Variants in TRAF2 observed in about 807,000 individuals in gnomAD.
The protein encoded by TRAF2 is TNF receptor associated factor 2.
In TRAF2, 6 loss-of-function variants were observed where a neutral mutation model predicts 55.6. That is an observed-to-expected ratio of 0.11 (90% CI 0.06 to 0.21). The LOEUF is 0.21. TRAF2 is among the 10% of genes least tolerant of loss of function. TRAF2 has a pLI of 1.00. For missense variants in TRAF2, 561 were observed against 684.5 expected (o/e 0.82, Z 2.01); for synonymous variants, 329 against 276.3 (o/e 1.19, Z -1.89).
intron 4 of TRAF2, among the ~76,000 whole-genome samples, chr9:136,906,794 C>T (rs540251246): frequency 2.9e-4 from 44 of 152,362 alleles, no homozygotes; most frequent in African/African-American, 1.1e-3. Context: ...CACGTTCAGT[C>T]TGCCGGCAGG....
At chr9:136,919,918 AT>A (rs1850343133) in intron 7 of TRAF2, among the ~76,000 whole-genome samples, 1 of 152,074 alleles carries the variant, frequency 6.6e-6, no homozygotes, top group Non-Finnish European at 1.5e-5. Flanking sequence ...GGGTTTTGCC[AT>A]GTTGCCCCAG....
At chr9:136,907,240 C>T (rs1053125013) in intron 4 of TRAF2, among the ~76,000 whole-genome samples, 1 of 152,274 alleles carries the variant, frequency 6.6e-6, no homozygotes, top group Non-Finnish European at 1.5e-5. Context: ...TCCCGCTTCC[C>T]TAGTCTGCAG....
At chr9:136,924,970 C>T (rs1414512672) in intron 10 of TRAF2, among the ~76,000 whole-genome samples, 5 of 152,208 alleles carry the variant, frequency 3.3e-5, no homozygotes, top group African/African-American at 4.8e-5. Flanking sequence ...ATCTCCTGAC[C>T]TTGTGATCCG....
At position 136,898,897 on chromosome 9, in the gene TRAF2, T is replaced by C; in HGVS notation, c.157T>C (p.Tyr53His). ...CTTCCAGGCGCAGTGTGGCCACCGG[T>C]ACTGCTCCTTCTGCCTGGCCAGCAT... is the stretch of plus-strand genomic sequence containing the variant. ...RPFQAQCGHR[Y>H]CSFCLASILS... Residue 53 changes from tyrosine (Y) to histidine (H), a missense_variant, in exon 2 of 11, where the codon TAC becomes CAC. By Grantham distance (83) the Tyr-to-His change is moderately conservative (BLOSUM62 2). Transcript: ENST00000247668. 1 of 1,611,728 alleles carries C rather than the reference T, an allele frequency of 6.2e-7. No individual in the cohort carries two copies. The highest frequency in any genetic ancestry group is 1.3e-5 in the African/African-American group (1 of 74,972).
At chr9:136,898,956 G>GGGGC in intron 2 of TRAF2, 28 bp downstream of exon 2, 1 of 1,568,658 alleles carries the variant, frequency 6.4e-7, no homozygotes, top group Non-Finnish European at 8.6e-7. Flanking sequence ...GCTGGGAGGA[G>GGGGC]GGGCAGGCAG....
intron 7 of TRAF2, 126 bp from the exon 8 acceptor site, chr9:136,920,108 A>G: frequency 8.2e-7 from 1 of 1,225,378 alleles, no homozygotes; most frequent in Non-Finnish European, 1.1e-6. Flanking sequence ...CAGGCCACCC[A>G]GGCATCCCTA....
At chr9:136,891,759 G>A (rs1366725536) in intron 1 of TRAF2, among the ~76,000 whole-genome samples, 1 of 147,284 alleles carries the variant, frequency 6.8e-6, no homozygotes, top group Admixed American at 6.8e-5. Context: ...TTCGCTCTTT[G>A]TGCCCAAGCT....
rs749274593 is a variant in TRAF2 at position 136,920,528 on chromosome 9, C to T, written c.960+13C>T. 9 of 1,599,516 alleles carry T rather than the reference C, an allele frequency of 5.6e-6. No individual in the cohort carries two copies. The highest frequency in any genetic ancestry group is 1.1e-5 in the South Asian group (1 of 89,382). ...CCTGAGTAGCAAGGTTTGTGCCTGC[C>T]GGGTGGCCAGCCATGAGGAGGACAG... On this transcript the variant is annotated intron_variant, in intron 8 of 10. Coordinates refer to ENST00000247668, the MANE Select transcript of TRAF2 (RefSeq NM_021138.4).
intron 6 of TRAF2, among the ~76,000 whole-genome samples, chr9:136,910,819 G>A (rs1030522425): frequency 2.0e-5 from 3 of 152,232 alleles, no homozygotes; most frequent in Admixed American, 2.0e-4. Flanking sequence ...GCTGGGGGAC[G>A]GGACAGGGCT....
rs1240915739 is a variant in TRAF2, at chr9:136,925,788, A to G, written c.1393A>G (p.Ile465Val). ...SFQRPVNDMN[I>V]ASGCPLFCPV... ...TCAGAGGCCAGTCAACGACATGAACATCGCAAGCGGCTGCCCCCTCTTCTG... is the reference window on the plus strand; with the variant it reads ...TCAGAGGCCAGTCAACGACATGAACGTCGCAAGCGGCTGCCCCCTCTTCTG... Residue 465 changes from isoleucine (I) to valine (V), a missense_variant, in exon 11 of 11, where the codon ATC becomes GTC. Ile to Val is a conservative substitution (Grantham distance 29, BLOSUM62 3). Coordinates refer to ENST00000247668, the MANE Select transcript of TRAF2 (RefSeq NM_021138.4). The G allele has an allele frequency of 1.2e-6, 2 of 1,614,126 alleles. No individual in the cohort carries two copies. Among genetic ancestry groups the G allele is most frequent in the South Asian group, 1.1e-5 (1 of 91,092 alleles).
rs929719974 is a variant in TRAF2, at chr9:136,920,180, G to A, written c.679-54G>A. On this transcript the variant is annotated intron_variant, in intron 7 of 10. Coordinates refer to ENST00000247668, the MANE Select transcript of TRAF2 (RefSeq NM_021138.4). ...GCCCACGTCTTGGTGGCCGTCCCCGGGTGGGAGCCGAATGGTGGATGGAGC... is the reference window on the plus strand; with the variant it reads ...GCCCACGTCTTGGTGGCCGTCCCCGAGTGGGAGCCGAATGGTGGATGGAGC... The A allele has an allele frequency of 3.9e-6, 6 of 1,536,094 alleles. No homozygotes were observed. The Admixed American group carries it at 7.6e-5, about 19-fold the overall frequency.
rs146353562 is a variant in TRAF2, at chr9:136,924,698, A to G, written c.1287+698A>G. 4.4e-3 allele frequency among the ~76,000 whole-genome samples: 666 copies of G among 152,276 alleles called. 6 individuals are homozygous for G. Among genetic ancestry groups the G allele is most frequent in the African/African-American group, 0.015 (633 of 41,548 alleles). ...TGCCCTGGAGAGAGAGTGCAGAGGA[A>G]GGAACACAGCTTCGGAGCCCTCTTC... On this transcript the variant is annotated intron_variant, in intron 10 of 10. Coordinates refer to ENST00000247668, the MANE Select transcript of TRAF2 (RefSeq NM_021138.4).
chr9:136,903,575 G>A (rs1263045582), intron 4 of TRAF2, among the ~76,000 whole-genome samples: 1 of 151,588 alleles, frequency 6.6e-6, no homozygotes, highest in East Asian at 1.9e-4. Flanking sequence ...TGGGTGGGGA[G>A]AAGACTGAGA....
At chr9:136,906,389 A>G (rs1564412173) in intron 4 of TRAF2, among the ~76,000 whole-genome samples, 1 of 152,180 alleles carries the variant, frequency 6.6e-6, no homozygotes, top group Non-Finnish European at 1.5e-5. Context: ...GAGGAAGGCA[A>G]AGGAGGAGAA....
chr9:136,908,954 C>A (rs1421444208), intron 5 of TRAF2, among the ~76,000 whole-genome samples: 2 of 148,890 alleles, frequency 1.3e-5, no homozygotes, highest in African/African-American at 2.5e-5. Context: ...AGGAGAATTG[C>A]TTGAACCCAG....
intron 1 of TRAF2, among the ~76,000 whole-genome samples, chr9:136,892,755 C>A (rs1024011439): frequency 5.9e-5 from 9 of 152,120 alleles, no homozygotes; most frequent in African/African-American, 2.2e-4. Flanking sequence ...TGACAGGCGT[C>A]TGTAATCCCA....
At chr9:136,912,150 CCCTTTTTTTTTTT>C (rs1564416047) in intron 6 of TRAF2, among the ~76,000 whole-genome samples, 4 of 125,072 alleles carry the variant, frequency 3.2e-5, no homozygotes, top group African/African-American at 1.3e-4. Flanking sequence ...CTGCGTCTGG[CCCTTTTTTTTTTT>C]TTTTTTTTTT....
intron 8 of TRAF2, 76 bp downstream of exon 8, chr9:136,920,591 A>G (rs367623758): frequency 2.4e-5 from 36 of 1,491,918 alleles, no homozygotes; most frequent in Non-Finnish European, 3.2e-5. Flanking sequence ...AGCAGGTTCT[A>G]GCAGGTCCTG....
chr9:136,914,883 C>CT (rs1053737168), intron 6 of TRAF2, among the ~76,000 whole-genome samples: 38 of 151,652 alleles, frequency 2.5e-4, no homozygotes, highest in African/African-American at 8.0e-4. Flanking sequence ...AAAGATTGCC[C>CT]TTTAAAAAAA....
Sources: allele counts gnomAD v4.1 joint callset (sites outside exome capture counted in the v4.1 genomes callset), GRCh38; gene constraint gnomAD v4.1.1; transcripts MANE v1.5; gene names NCBI Gene and HGNC (gene_info 2026-07-23, HGNC 2026-07-21).